Variants in TAGAP observed in about 807,000 individuals in gnomAD.
TAGAP encodes T cell activation RhoGTPase activating protein, also known as T-cell activation Rho GTPase-activating protein.
Under a neutral mutation model 36.0 loss-of-function variants are expected in TAGAP, and 16 were observed. That is an observed-to-expected ratio of 0.44 (90% CI 0.30 to 0.68). The LOEUF (loss-of-function observed/expected upper bound fraction) is 0.68, where lower values mean the gene tolerates loss of function less well. Ranked by LOEUF, TAGAP falls within the 30% of genes least tolerant of loss-of-function variation. TAGAP has a pLI of 0.09. For synonymous variants in TAGAP, 372 were observed against 377.4 expected, an observed-to-expected ratio of 0.99 and a Z score of 0.17; for missense variants, 794 against 921.5, an observed-to-expected ratio of 0.86 and a Z score of 1.79.
intron 4 of TAGAP, among the ~76,000 whole-genome samples, chr6:159,043,315 A>G (rs1489632957): frequency 6.6e-6 from 1 of 152,218 alleles, no homozygotes; most frequent in African/African-American, 2.4e-5. Flanking sequence ...TGTGCATGCT[A>G]ATTGTCGAAA....
chr6:159,044,077 C>T, intron 2 of TAGAP, 43 bp downstream of exon 2: 2 of 1,613,716 alleles, frequency 1.2e-6, no homozygotes, highest in African/African-American at 1.3e-5. Flanking sequence ...TTGGCCCTTG[C>T]CTGTAGGAAA....
At position 159,039,239 on chromosome 6, in the gene TAGAP, T is replaced by A; in HGVS notation, c.658A>T (p.Ser220Cys). 2 of 1,614,190 alleles carry A rather than the reference T, an allele frequency of 1.2e-6. No individual in the cohort carries two copies. Among genetic ancestry groups the A allele is most frequent in the Non-Finnish European group, 1.7e-6 (2 of 1,180,034 alleles). ...ATCCTGTTCACCTCAGAGTTCTTGCTGATGAGGTGCAGCACATAGACCAAG... is the reference window on the plus strand; with the variant it reads ...ATCCTGTTCACCTCAGAGTTCTTGCAGATGAGGTGCAGCACATAGACCAAG... The part of the protein sequence containing the change: ...KHLVYVLHLI[S>C]KNSEVNRMDS... Residue 220 changes from serine (S) to cysteine (C), a missense_variant, in exon 8 of 10, where the codon AGC (serine) becomes TGC (cysteine). Transcript: ENST00000367066.
intron 8 of TAGAP, chr6:159,038,907 A>G: frequency 7.0e-7 from 1 of 1,418,758 alleles, no homozygotes; most frequent in South Asian, 1.5e-5. Context: ...CATCTGTCTC[A>G]CAGATGACAG....
At chr6:159,043,803 T>G in intron 3 of TAGAP, 148 bp from the exon 4 acceptor site, 1 of 1,024,038 alleles carries the variant, frequency 9.8e-7, no homozygotes, top group Admixed American at 2.2e-5. Flanking sequence ...AGAAGCAATA[T>G]TAAGGTCTTG....
Position 159,037,122 on chromosome 6 carries a change from C to T in TAGAP, c.901G>A (p.Val301Met), listed in dbSNP as rs1779573700. ...DSLEHTDSSDVSTLQNDSAYD... is the reference protein window; with the variant it reads ...DSLEHTDSSDMSTLQNDSAYD... Reference sequence around the variant, plus strand: ...GCTGAGTCATTCTGCAGGGTCGACACATCTGGGGGAAGTCAAGCAGCAGTT... The same window carrying T: ...GCTGAGTCATTCTGCAGGGTCGACATATCTGGGGGAAGTCAAGCAGCAGTT... The change falls in exon 10 of 10, where the codon GTG (valine) becomes ATG (methionine). Residue 301 changes from valine to methionine, a missense_variant and splice_region_variant. Coordinates refer to ENST00000367066, the MANE Select transcript of TAGAP (RefSeq NM_054114.5). This position sits in a 1 kb window ranked among gnomAD's most constrained non-coding sequence, Gnocchi z 5.1. The T allele has an allele frequency of 2.9e-5, 46 of 1,598,360 alleles. No individual in the cohort carries two copies. The highest frequency in any genetic ancestry group is 3.7e-5 in the Non-Finnish European group (43 of 1,176,742).
chr6:159,035,013 G>A lies in TAGAP; in HGVS notation c.*814C>T, dbSNP rs41267761. On this transcript the variant is annotated 3_prime_UTR_variant, in exon 10 of 10. Coordinates refer to ENST00000367066, the MANE Select transcript of TAGAP (RefSeq NM_054114.5). ...AACATTTTTACTTTCAAATAAGGAA[G>A]GCAATTTATTGTAGTGAAATTACAT... is the stretch of plus-strand genomic sequence containing the variant. 122 of 152,376 alleles carry A rather than the reference G, an allele frequency of 8.0e-4. No homozygotes were observed. Among genetic ancestry groups the A allele is most frequent in the Non-Finnish European group, 1.2e-3 (84 of 68,008 alleles). 9.4% of individuals were successfully genotyped at this position (152,376 alleles called of 1,614,324 possible). A position where few individuals can be genotyped will look rare whatever the true frequency, so the allele number is the denominator to read the frequency against.
chr6:159,040,682 G>A (rs1410701203), intron 7 of TAGAP, 41 bp downstream of exon 7: 17 of 1,467,398 alleles, frequency 1.2e-5, no homozygotes, highest in Admixed American at 1.7e-5. Flanking sequence ...AAAGACGGAG[G>A]TGATGTGGCC....
chr6:159,041,301 G>A lies in TAGAP; in HGVS notation c.477+53C>T, dbSNP rs1347498205. ...AGCCTATTTCTTGCATCCTGAGAAT[G>A]AGTGTGTCAGGGCCCCTTGGCAGGT... On this transcript the variant is annotated intron_variant, in intron 6 of 9. Coordinates refer to ENST00000367066, the MANE Select transcript of TAGAP (RefSeq NM_054114.5). This position sits in a 1 kb window ranked among gnomAD's most constrained non-coding sequence, Gnocchi z 4.1. 4.4e-6 allele frequency: 7 copies of A among 1,592,826 alleles called. No homozygotes were observed. The Admixed American group carries it at 1.2e-4, about 28-fold the overall frequency.
chr6:159,038,492 G>A (rs1289224171), intron 8 of TAGAP, among the ~76,000 whole-genome samples: 4 of 151,642 alleles, frequency 2.6e-5, no homozygotes, highest in Non-Finnish European at 5.9e-5. Context: ...GGGCTCAAGC[G>A]ATTCTCCCGC....
intron 4 of TAGAP, chr6:159,042,446 C>A: frequency 8.6e-7 from 1 of 1,169,474 alleles, no homozygotes; most frequent in Non-Finnish European, 1.1e-6. Context: ...CACACTGTTA[C>A]CAGGGCAACC....
Position 159,039,267 on chromosome 6 carries a change from C to T in TAGAP, c.630G>A (p.Lys210=). 1 of 1,613,874 alleles carries T rather than the reference C, an allele frequency of 6.2e-7. No individual in the cohort carries two copies. The highest frequency in any genetic ancestry group is 1.3e-5 in the African/African-American group (1 of 75,038). Residue 210 remains lysine, a synonymous_variant, in exon 8 of 10, where the codon AAG becomes AAA. Transcript: ENST00000367066. ...KLPRPNLLLL[K]HLVYVLHLIS... is the part of the protein sequence containing the mutation. ...TGAGGTGCAGCACATAGACCAAGTG[C>T]TTGAGTAGCAGGAGGTTGGGCCGGG...
chr6:159,038,945 G>T lies in TAGAP; in HGVS notation c.783+169C>A, dbSNP rs997484310. 1.6e-5 allele frequency: 23 copies of T among 1,454,148 alleles called. No homozygotes were observed. The African/African-American group carries it at 3.1e-4, about 20-fold the overall frequency. The allele number at this position is 1,454,148 out of a possible 1,614,324, so 90.1% of individuals were successfully genotyped here. On this transcript the variant is annotated intron_variant, in intron 8 of 9. Coordinates refer to ENST00000367066, the MANE Select transcript of TAGAP (RefSeq NM_054114.5). ...GACACGGATTTATTCAGTTTCATTA[G>T]ATACATGTATCTGAGAGAGTGGAAC...
chr6:159,038,904 C>G, intron 8 of TAGAP: 1 of 1,417,422 alleles, frequency 7.1e-7, no homozygotes, highest in Non-Finnish European at 9.2e-7. Flanking sequence ...ACTCATCTGT[C>G]TCACAGATGA....
Position 159,036,986 on chromosome 6 carries a change from C to T in TAGAP, c.1037G>A (p.Gly346Asp), listed in dbSNP as rs35263580. The change falls in exon 10 of 10, where the codon GGC becomes GAC. Residue 346 changes from glycine to aspartate, a missense_variant. Coordinates refer to ENST00000367066, the MANE Select transcript of TAGAP (RefSeq NM_054114.5). This position sits in a 1 kb window ranked among gnomAD's most constrained non-coding sequence, Gnocchi z 4.9. Reference sequence around the variant, plus strand: ...GCTGACCTCTCGGGCATCCTGTGGGCCCGCGCTATCCAAGCCAGCAGCTGT... The same window carrying T: ...GCTGACCTCTCGGGCATCCTGTGGGTCCGCGCTATCCAAGCCAGCAGCTGT... ...MATAAGLDSA[G>D]PQDAREVSPE... 3,011 of 1,613,620 alleles carry T rather than the reference C, an allele frequency of 1.9e-3. 48 individuals are homozygous for T. In the African/African-American group the frequency reaches 0.035, roughly 19 times the overall value.
intron 9 of TAGAP, 48 bp downstream of exon 9, chr6:159,038,066 C>A: frequency 7.9e-7 from 1 of 1,260,352 alleles, no homozygotes; most frequent in Non-Finnish European, 1.1e-6. Context: ...GGCAGACTGG[C>A]ATGAACTTTT....
intron 6 of TAGAP, 159 bp from the exon 7 acceptor site, chr6:159,040,991 C>G (rs1487811499): frequency 6.4e-6 from 4 of 624,806 alleles, no homozygotes; most frequent in Non-Finnish European, 1.1e-5. Context: ...GGAACCCTCT[C>G]TCCAACACCC....
chr6:159,036,503 T>A lies in TAGAP; in HGVS notation c.1520A>T (p.His507Leu), dbSNP rs879010658. 1 of 1,613,632 alleles carries A rather than the reference T, an allele frequency of 6.2e-7. No homozygotes were observed. Among genetic ancestry groups the A allele is most frequent in the African/African-American group, 1.3e-5 (1 of 74,764 alleles). The change falls in exon 10 of 10, where the codon CAC becomes CTC. Residue 507 changes from histidine to leucine, a missense_variant. Physicochemically the swap from His to Leu is moderately conservative, Grantham distance 99. Coordinates refer to ENST00000367066, the MANE Select transcript of TAGAP (RefSeq NM_054114.5). The surrounding 1 kb of genome is among the most constrained non-coding windows in gnomAD (Gnocchi z 4.9). Reference sequence around the variant, plus strand: ...AGGGGCAAAGGTGAAAGACATGGAGTGCTTTTTAATTTCTCGGCTGGGCTT... The same window carrying A: ...AGGGGCAAAGGTGAAAGACATGGAGAGCTTTTTAATTTCTCGGCTGGGCTT... ...KGKPSREIKK[H>L]SMSFTFAPHK... is the part of the protein sequence containing the mutation.
rs1779615230 is a variant in TAGAP, at chr6:159,038,221, G to A, written c.791C>T (p.Thr264Ile). 6.5e-7 allele frequency: 1 copy of A among 1,530,534 alleles called. No homozygotes were observed. Among genetic ancestry groups the A allele is most frequent in the Non-Finnish European group, 9.0e-7 (1 of 1,111,102 alleles). 94.8% of individuals were successfully genotyped at this position (1,530,534 alleles called of 1,614,324 possible). The change falls in exon 9 of 10, where the codon ACA (threonine) becomes ATA (isoleucine). Residue 264 changes from threonine to isoleucine, a missense_variant. Physicochemically the swap from Thr to Ile is moderately conservative, Grantham distance 89. Transcript: ENST00000367066. ...AQKDLNNKVK[T>I]LVEFLIDNCF... The stretch of plus-strand genomic sequence containing the variant: ...GTTATCAATGAGGAATTCCACCAGT[G>A]TCTTCACCTGTGAGGAAAAGTAAGC...
At chr6:159,042,516 T>C (rs1779792879) in intron 4 of TAGAP, 1 of 454,628 alleles carries the variant, frequency 2.2e-6, no homozygotes, top group South Asian at 4.4e-5. Context: ...GTTTTCACTC[T>C]TTCCAGCTGT....
Sources: allele counts gnomAD v4.1 joint callset (sites outside exome capture counted in the v4.1 genomes callset), GRCh38; gene constraint gnomAD v4.1.1; non-coding constraint Gnocchi (gnomAD v3.1); transcripts MANE v1.5; gene names NCBI Gene and HGNC (gene_info 2026-07-23, HGNC 2026-07-21).